SH3RF3: variants seen among roughly 807,000 people sequenced by gnomAD.
SH3RF3 encodes SH3 domain containing ring finger 3.
Under a neutral mutation model 66.3 loss-of-function variants are expected in SH3RF3, and 29 were observed. The ratio of observed to expected loss-of-function variants is 0.44; its 90% CI spans 0.33 to 0.60. SH3RF3 has a LOEUF of 0.60. Ranked by LOEUF, SH3RF3 falls within the 20% of genes least tolerant of loss-of-function variation. The pLI is 0.04. For synonymous variants in SH3RF3, 583 were observed against 532.0 expected, an observed-to-expected ratio of 1.10 and a Z score of -1.32; for missense variants, 1,194 against 1,190.9, an observed-to-expected ratio of 1.00 and a Z score of -0.04.
At chr2:109,475,240 G>A (rs1678653759) in intron 8 of SH3RF3, among the ~76,000 whole-genome samples, 1 of 152,176 alleles carries the variant, frequency 6.6e-6, no homozygotes, top group Non-Finnish European at 1.5e-5. Context: ...GCCTCCCAAA[G>A]TGCTAGGATT....
chr2:109,150,835 T>C (rs893235202), intron 1 of SH3RF3, among the ~76,000 whole-genome samples: 7 of 152,066 alleles, frequency 4.6e-5, no homozygotes, highest in Admixed American at 4.6e-4. Context: ...AAAAAAAAAG[T>C]TTTGTGCTTT....
intron 1 of SH3RF3, among the ~76,000 whole-genome samples, chr2:109,227,528 G>A (rs773378556): frequency 2.0e-5 from 3 of 152,186 alleles, no homozygotes; most frequent in Admixed American, 6.5e-5. Flanking sequence ...GTGGGCTCCC[G>A]GGTCTGCCTG....
At chr2:109,465,299 A>G (rs1039326026) in intron 8 of SH3RF3, among the ~76,000 whole-genome samples, 1 of 152,200 alleles carries the variant, frequency 6.6e-6, no homozygotes, top group African/African-American at 2.4e-5. Flanking sequence ...GTGGGTTTTT[A>G]TATGGACATA....
intron 2 of SH3RF3, among the ~76,000 whole-genome samples, chr2:109,364,735 G>A (rs1173180749): frequency 6.6e-6 from 1 of 152,180 alleles, no homozygotes; most frequent in Non-Finnish European, 1.5e-5. Flanking sequence ...GGTGAAACAG[G>A]ATGGCTACAG....
intron 1 of SH3RF3, among the ~76,000 whole-genome samples, chr2:109,226,144 C>T (rs1679369376): frequency 2.0e-5 from 3 of 152,178 alleles, no homozygotes; most frequent in African/African-American, 4.8e-5. Context: ...GAGGTTGTCC[C>T]CAAATAGCAG....
intron 8 of SH3RF3, among the ~76,000 whole-genome samples, chr2:109,453,896 C>T (rs1677961030): frequency 6.6e-6 from 1 of 152,160 alleles, no homozygotes. Flanking sequence ...GAGCAGAGGC[C>T]AGGGGACATG....
At chr2:109,231,042 G>A (rs553704723) in intron 1 of SH3RF3, among the ~76,000 whole-genome samples, 10 of 152,338 alleles carry the variant, frequency 6.6e-5, no homozygotes, top group Admixed American at 3.3e-4. Context: ...ATGTCAGCAC[G>A]GACAGAGCAG....
intron 1 of SH3RF3, among the ~76,000 whole-genome samples, chr2:109,195,484 A>G (rs1320565919): frequency 2.6e-5 from 4 of 152,196 alleles, no homozygotes; most frequent in Admixed American, 6.5e-5. Context: ...CTTGCCACAT[A>G]AAGAGCTGTA....
intron 1 of SH3RF3, among the ~76,000 whole-genome samples, chr2:109,142,046 G>GT (rs201091215): frequency 1.3e-5 from 2 of 151,580 alleles, no homozygotes; most frequent in Middle Eastern, 3.4e-3. Flanking sequence ...AGTCTCCTGG[G>GT]GGGGGGGTCT....
chr2:109,429,294 T>G (rs1017006829), intron 5 of SH3RF3, among the ~76,000 whole-genome samples: 3 of 152,008 alleles, frequency 2.0e-5, no homozygotes, highest in African/African-American at 4.8e-5. Flanking sequence ...GCTTTTGGTG[T>G]CCCCTACGAG....
At chr2:109,373,453 A>G (rs1435951921) in intron 3 of SH3RF3, among the ~76,000 whole-genome samples, 1 of 152,254 alleles carries the variant, frequency 6.6e-6, no homozygotes, top group African/African-American at 2.4e-5. Flanking sequence ...GTATATCCAT[A>G]CAATGGAACG....
chr2:109,446,278 T>A (rs1677701336), intron 7 of SH3RF3, among the ~76,000 whole-genome samples: 1 of 152,164 alleles, frequency 6.6e-6, no homozygotes, highest in Non-Finnish European at 1.5e-5. Flanking sequence ...GGGTTCTTTT[T>A]TCCTCAGAGA....
At chr2:109,343,832 A>G (rs967925756) in intron 1 of SH3RF3, among the ~76,000 whole-genome samples, 5 of 150,604 alleles carry the variant, frequency 3.3e-5, no homozygotes, top group African/African-American at 1.2e-4. Flanking sequence ...GCAGCCTCGA[A>G]CTCCCAGGCT....
intron 1 of SH3RF3, among the ~76,000 whole-genome samples, chr2:109,277,388 G>A (rs774046606): frequency 1.4e-4 from 21 of 152,112 alleles, no homozygotes; most frequent in African/African-American, 4.8e-4. Flanking sequence ...CCCCGGCCTC[G>A]GTGATGGAAA....
At chr2:109,162,382 T>C (rs937621427) in intron 1 of SH3RF3, among the ~76,000 whole-genome samples, 1 of 152,204 alleles carries the variant, frequency 6.6e-6, no homozygotes, top group Admixed American at 6.5e-5. Flanking sequence ...CTCTTAGGGC[T>C]CCTCAACCTT....
At chr2:109,420,721 A>G (rs1289308040) in intron 5 of SH3RF3, among the ~76,000 whole-genome samples, 1 of 152,186 alleles carries the variant, frequency 6.6e-6, no homozygotes, top group African/African-American at 2.4e-5. Context: ...CTGGGATTAC[A>G]GGCATGAGCC....
intron 4 of SH3RF3, among the ~76,000 whole-genome samples, chr2:109,415,996 G>C (rs1358221606): frequency 6.6e-6 from 1 of 152,170 alleles, no homozygotes; most frequent in Non-Finnish European, 1.5e-5. Flanking sequence ...ACCTGAGCCA[G>C]CATGCTCAGC....
chr2:109,417,564 C>T lies in SH3RF3; in HGVS notation c.1300-1975C>T, dbSNP rs114459595. ...GGACCCTCAGCCAGGCACAGGACCCCGACAGCCTCTGGACACCTGGCTCTC... is the reference window on the plus strand; with the variant it reads ...GGACCCTCAGCCAGGCACAGGACCCTGACAGCCTCTGGACACCTGGCTCTC... On this transcript the variant is annotated intron_variant, in intron 4 of 9. Transcript: ENST00000309415. Among the ~76,000 whole-genome samples, 912 of 152,246 alleles carry T rather than the reference C, an allele frequency of 6.0e-3. 12 individuals are homozygous for T. Among genetic ancestry groups the T allele is most frequent in the African/African-American group, 0.021 (856 of 41,536 alleles).
chr2:109,252,677 G>C (rs966422704), intron 1 of SH3RF3, among the ~76,000 whole-genome samples: 1 of 152,206 alleles, frequency 6.6e-6, no homozygotes, highest in Non-Finnish European at 1.5e-5. Flanking sequence ...GAACCTCATA[G>C]CTCAGCCTAG....
Sources: allele counts gnomAD v4.1 joint callset (sites outside exome capture counted in the v4.1 genomes callset), GRCh38; gene constraint gnomAD v4.1.1; transcripts MANE v1.5; gene names NCBI Gene and HGNC (gene_info 2026-07-23, HGNC 2026-07-21).